PLEKHA5: variants seen among roughly 807,000 people sequenced by gnomAD.
PLEKHA5 encodes the protein pleckstrin homology domain containing A5, also known as pleckstrin homology domain-containing family A member 5.
Under a neutral mutation model 181.9 loss-of-function variants are expected in PLEKHA5, and 55 were observed. The observed-to-expected ratio is 0.30, with a 90% CI of 0.24 to 0.38. The LOEUF is 0.38. PLEKHA5 is among the 10% of genes least tolerant of loss of function. The probability of loss-of-function intolerance (pLI) is 1.00; values close to 1 mark genes in which losing one functional copy is unlikely to be tolerated. For missense variants in PLEKHA5, 1,432 were observed against 1,549.5 expected, an observed-to-expected ratio of 0.92 and a Z score of 1.27; for synonymous variants, 535 against 529.4, an observed-to-expected ratio of 1.01 and a Z score of -0.15.
At chr12:19,289,864 A>G (rs1027051402) in intron 13 of PLEKHA5, among the ~76,000 whole-genome samples, 5 of 152,110 alleles carry the variant, frequency 3.3e-5, no homozygotes, top group Non-Finnish European at 7.4e-5. Flanking sequence ...CTGGGAAGCA[A>G]TTAATAGAAC....
At chr12:19,255,798 C>G (rs535802163) in intron 5 of PLEKHA5, among the ~76,000 whole-genome samples, 15 of 150,550 alleles carry the variant, frequency 1.0e-4, no homozygotes, top group Non-Finnish European at 1.6e-4. Context: ...TGAATCTGTT[C>G]CTCATACTTT....
chr12:19,189,283 G>A (rs778827900), intron 3 of PLEKHA5, among the ~76,000 whole-genome samples: 1 of 152,178 alleles, frequency 6.6e-6, no homozygotes, highest in Non-Finnish European at 1.5e-5. Flanking sequence ...AATTAGAGTA[G>A]AAACAAGGAG....
At chr12:19,219,349 A>T (rs2152286782) in intron 3 of PLEKHA5, among the ~76,000 whole-genome samples, 1 of 152,306 alleles carries the variant, frequency 6.6e-6, no homozygotes, top group East Asian at 1.9e-4. Context: ...CATTTTAGTA[A>T]CAATTCTGTT....
At chr12:19,157,289 A>G (rs2151417992) in intron 3 of PLEKHA5, among the ~76,000 whole-genome samples, 1 of 152,300 alleles carries the variant, frequency 6.6e-6, no homozygotes, top group Middle Eastern at 3.4e-3. Context: ...ACTTTATGTC[A>G]GATAATCTGC....
intron 21 of PLEKHA5, among the ~76,000 whole-genome samples, chr12:19,339,940 CTA>C (rs2093727249): frequency 6.6e-6 from 1 of 152,016 alleles, no homozygotes. Flanking sequence ...TAATGTAAAA[CTA>C]TAGTGTTAAA....
intron 12 of PLEKHA5, among the ~76,000 whole-genome samples, chr12:19,285,842 C>T (rs2077105062): frequency 6.6e-6 from 1 of 152,186 alleles, no homozygotes; most frequent in Admixed American, 6.5e-5. Context: ...TAAAGCATTT[C>T]TATGGCATAC....
chr12:19,241,136 T>C (rs2062500533), intron 3 of PLEKHA5, among the ~76,000 whole-genome samples: 1 of 152,212 alleles, frequency 6.6e-6, no homozygotes, highest in Admixed American at 6.5e-5. Flanking sequence ...GGAAGTGACA[T>C]AATTTACTTG....
intron 3 of PLEKHA5, among the ~76,000 whole-genome samples, chr12:19,230,399 C>T (rs779878698): frequency 6.6e-6 from 1 of 152,130 alleles, no homozygotes; most frequent in Non-Finnish European, 1.5e-5. Context: ...GACCGGGCGT[C>T]GCAGAGCGGG....
chr12:19,342,276 C>A (rs2093993675), intron 21 of PLEKHA5, among the ~76,000 whole-genome samples: 1 of 152,044 alleles, frequency 6.6e-6, no homozygotes, highest in Non-Finnish European at 1.5e-5. Flanking sequence ...TCATAGATTT[C>A]TAATAGAATC....
intron 12 of PLEKHA5, among the ~76,000 whole-genome samples, chr12:19,286,174 A>G (rs1391160397): frequency 6.6e-6 from 1 of 152,190 alleles, no homozygotes; most frequent in Non-Finnish European, 1.5e-5. Context: ...TGATGTTTTT[A>G]TATTGTATAC....
intron 20 of PLEKHA5, among the ~76,000 whole-genome samples, chr12:19,335,843 G>T (rs974493680): frequency 6.6e-6 from 1 of 151,998 alleles, no homozygotes; most frequent in African/African-American, 2.4e-5. Context: ...TGTTGGCCAG[G>T]GTGGTCTCAA....
intron 11 of PLEKHA5, among the ~76,000 whole-genome samples, chr12:19,279,959 G>A (rs1188915265): frequency 5.4e-5 from 8 of 146,818 alleles, no homozygotes; most frequent in Admixed American, 2.1e-4. Context: ...TGCCCCAATA[G>A]ACACAAATTA....
intron 28 of PLEKHA5, among the ~76,000 whole-genome samples, chr12:19,359,998 G>T (rs1366774984): frequency 6.6e-6 from 1 of 151,202 alleles, no homozygotes; most frequent in East Asian, 2.0e-4. Flanking sequence ...GAAAAATTAA[G>T]CTTTCTTTAG....
intron 3 of PLEKHA5, among the ~76,000 whole-genome samples, chr12:19,192,580 C>G (rs1056568763): frequency 3.9e-5 from 6 of 152,092 alleles, no homozygotes; most frequent in African/African-American, 1.4e-4. Context: ...GCATTCGCCT[C>G]TAGTCCCAGC....
intron 3 of PLEKHA5, chr12:19,205,524 G>C: frequency 8.4e-6 from 2 of 236,782 alleles, no homozygotes; most frequent in Non-Finnish European, 1.4e-5. Context: ...ACTTATATCT[G>C]CTGCTTTTTT....
At position 19,265,868 on chromosome 12, in the gene PLEKHA5, TTTTTAATTC is replaced by T. The variant is rs770619652; in HGVS notation, c.711+20_711+28del. 195 of 1,382,140 alleles carry T rather than the reference TTTTTAATTC, an allele frequency of 1.4e-4. No individual in the cohort carries two copies. The highest frequency in any genetic ancestry group is 2.3e-4 in the Admixed American group (13 of 56,044). The allele number at this position is 1,382,140 out of a possible 1,614,324, so 85.6% of individuals were successfully genotyped here. A position where few individuals can be genotyped will look rare whatever the true frequency, so the allele number is the denominator to read the frequency against. The stretch of plus-strand genomic sequence containing the variant: ...CTTTTAAGGTAAGGAAATAATGCAG[TTTTTAATTC>T]TGTGTTCAAAACTTGCGTTGGTTAA... On this transcript the variant is annotated intron_variant, in intron 8 of 31. Coordinates refer to ENST00000429027, the MANE Select transcript of PLEKHA5 (RefSeq NM_001256470.2).
intron 3 of PLEKHA5, among the ~76,000 whole-genome samples, chr12:19,172,153 T>C (rs952513223): frequency 4.6e-5 from 7 of 152,356 alleles, no homozygotes; most frequent in African/African-American, 1.7e-4. Context: ...CTATACATAA[T>C]TGTATGTGTT....
chr12:19,277,295 G>A (rs999763598), intron 11 of PLEKHA5, among the ~76,000 whole-genome samples: 3 of 152,072 alleles, frequency 2.0e-5, no homozygotes, highest in South Asian at 4.1e-4. Flanking sequence ...ACTTTTCCCC[G>A]AAAATCATAC....
intron 3 of PLEKHA5, among the ~76,000 whole-genome samples, chr12:19,194,707 G>T (rs533344372): frequency 6.6e-6 from 1 of 152,118 alleles, no homozygotes; most frequent in Non-Finnish European, 1.5e-5. Context: ...TGAAATTTCT[G>T]CATAAGAGGC....
Sources: allele counts gnomAD v4.1 joint callset (sites outside exome capture counted in the v4.1 genomes callset), GRCh38; gene constraint gnomAD v4.1.1; transcripts MANE v1.5; gene names NCBI Gene and HGNC (gene_info 2026-07-23, HGNC 2026-07-21).